The following SIPA1L2 variants were observed in gnomAD, a reference collection of about 807,000 sequenced individuals.
SIPA1L2 encodes the protein signal-induced proliferation-associated 1-like protein 2.
A neutral mutation model predicts 163.9 loss-of-function variants in SIPA1L2; 56 were observed. That is an observed-to-expected ratio of 0.34 (90% CI 0.28 to 0.43). The LOEUF (loss-of-function observed/expected upper bound fraction) is 0.43. Ranked by LOEUF, SIPA1L2 falls within the 20% of genes least tolerant of loss-of-function variation. The pLI is 1.00. For synonymous variants in SIPA1L2, 877 were observed against 865.7 expected (o/e 1.01, Z -0.23); for missense variants, 1,974 against 2,193.5 (o/e 0.90, Z 2.00).
intron 18 of SIPA1L2, among the ~76,000 whole-genome samples, chr1:232,424,214 G>T (rs1177887512): frequency 6.7e-6 from 1 of 148,318 alleles, no homozygotes; most frequent in Non-Finnish European, 1.5e-5. Flanking sequence ...GCAGGGGTTT[G>T]TTGACAGTGG....
intron 22 of SIPA1L2, 24 bp downstream of exon 22, chr1:232,402,368 G>T: frequency 6.2e-7 from 1 of 1,603,356 alleles, no homozygotes; most frequent in Non-Finnish European, 8.5e-7. Context: ...AAACAGTTCT[G>T]ATTATGCTCT....
intron 12 of SIPA1L2, 93 bp from the exon 13 acceptor site, chr1:232,441,961 AG>A (rs1662926795): frequency 2.9e-6 from 3 of 1,046,774 alleles, no homozygotes; most frequent in Non-Finnish European, 2.8e-6. Flanking sequence ...AGGCTATGCG[AG>A]GGAAAGCCCT....
At chr1:232,482,343 A>T (rs971968126) in intron 6 of SIPA1L2, among the ~76,000 whole-genome samples, 1 of 152,194 alleles carries the variant, frequency 6.6e-6, no homozygotes, top group African/African-American at 2.4e-5. Context: ...CACAGTAATA[A>T]GAGTTCACAT....
chr1:232,629,583 G>A (rs543147106), intron 1 of SIPA1L2, among the ~76,000 whole-genome samples: 1 of 152,212 alleles, frequency 6.6e-6, no homozygotes, highest in Admixed American at 6.5e-5. Context: ...CAGTGCCTGT[G>A]TCGCCGAGAC....
intron 2 of SIPA1L2, among the ~76,000 whole-genome samples, chr1:232,538,911 C>CT (rs529843651): frequency 6.6e-6 from 1 of 152,286 alleles, no homozygotes; most frequent in Admixed American, 6.5e-5. Context: ...ATATCATGTT[C>CT]TTTTTTCTAT....
chr1:232,483,823 A>G lies in SIPA1L2; in HGVS notation c.1950T>C (p.Phe650=), dbSNP rs755603058. ...LLGQRVRLKG[F]SKYRAQLDNK... Reference sequence around the variant, plus strand: ...TGTCTAGCTGAGCTCGATATTTACTAAATCCTTTCAGTCGGACTCTCTGGC... The same window carrying G: ...TGTCTAGCTGAGCTCGATATTTACTGAATCCTTTCAGTCGGACTCTCTGGC... The change falls in exon 6 of 23, where the codon TTT becomes TTC. Residue 650 remains phenylalanine, a synonymous_variant. Coordinates refer to ENST00000674635, the MANE Select transcript of SIPA1L2 (RefSeq NM_020808.5). 6 of 1,613,900 alleles carry G rather than the reference A, an allele frequency of 3.7e-6. No homozygotes were observed. Among genetic ancestry groups the G allele is most frequent in the Admixed American group, 1.7e-5 (1 of 59,996 alleles).
intron 3 of SIPA1L2, among the ~76,000 whole-genome samples, chr1:232,509,938 G>A (rs115229820): frequency 2.6e-5 from 4 of 152,312 alleles, no homozygotes; most frequent in Non-Finnish European, 5.9e-5. Flanking sequence ...GAGCCCATCT[G>A]CAGGCACAAC....
chr1:232,456,548 T>G (rs1209688844), intron 10 of SIPA1L2, among the ~76,000 whole-genome samples: 1 of 152,238 alleles, frequency 6.6e-6, no homozygotes, highest in East Asian at 1.9e-4. Flanking sequence ...CCATTTTTAT[T>G]GGACATATTT....
chr1:232,407,780 C>G (rs954280046), intron 19 of SIPA1L2, among the ~76,000 whole-genome samples: 3 of 152,140 alleles, frequency 2.0e-5, no homozygotes, highest in African/African-American at 7.2e-5. Context: ...ACCTTTGAAG[C>G]CTATGTTCAC....
chr1:232,495,826 T>C (rs1028698304), intron 3 of SIPA1L2, among the ~76,000 whole-genome samples: 6 of 152,086 alleles, frequency 3.9e-5, no homozygotes, highest in African/African-American at 1.4e-4. Flanking sequence ...AAAAAAAAGT[T>C]CAGAAAAGTA....
In SIPA1L2 at chr1:232,465,011, C is replaced by T; in HGVS notation, c.2649G>A (p.Leu883=). The change falls in exon 9 of 23, where the codon TTG becomes TTA. Residue 883 remains leucine, a synonymous_variant. Coordinates refer to ENST00000674635, the MANE Select transcript of SIPA1L2 (RefSeq NM_020808.5). This position sits in a 1 kb window ranked among gnomAD's most constrained non-coding sequence, Gnocchi z 4.1. The stretch of plus-strand genomic sequence containing the variant: ...CAACATTCTTGGAATCCTTTTCAAT[C>T]AACATGATGAACTCATTGGAGATCC... ...LLGISNEFIM[L]IEKDSKNVVF... The T allele has an allele frequency of 1.2e-6, 2 of 1,614,176 alleles. No individual in the cohort carries two copies. The highest frequency in any genetic ancestry group is 1.7e-6 in the Non-Finnish European group (2 of 1,180,010).
intron 1 of SIPA1L2, among the ~76,000 whole-genome samples, chr1:232,623,155 G>A (rs1397642196): frequency 3.9e-5 from 6 of 152,336 alleles, no homozygotes; most frequent in Admixed American, 2.0e-4. Context: ...ACCCACTAAC[G>A]GCTGGGAAGC....
chr1:232,605,868 T>A (rs946551204), intron 1 of SIPA1L2, among the ~76,000 whole-genome samples: 7 of 152,286 alleles, frequency 4.6e-5, no homozygotes, highest in Admixed American at 4.6e-4. Flanking sequence ...CTTACACACA[T>A]CACACATACG....
chr1:232,486,460 G>A (rs868596092), intron 5 of SIPA1L2, among the ~76,000 whole-genome samples: 1 of 152,160 alleles, frequency 6.6e-6, no homozygotes, highest in Non-Finnish European at 1.5e-5. Flanking sequence ...CTGGGCCCAT[G>A]GGAATCAGTG....
intron 1 of SIPA1L2, among the ~76,000 whole-genome samples, chr1:232,579,491 A>T (rs1285672): frequency 0.52 from 79,059 of 151,966 alleles, 20,948 homozygotes; most frequent in East Asian, 0.84. Context: ...CCAAAAGAGA[A>T]GAAGAACAGA....
At chr1:232,614,748 C>T (rs932624684) in intron 1 of SIPA1L2, among the ~76,000 whole-genome samples, 4 of 152,240 alleles carry the variant, frequency 2.6e-5, no homozygotes, top group African/African-American at 4.8e-5. Flanking sequence ...TGCCATGATG[C>T]TCCTGTTAAA....
Position 232,445,675 on chromosome 1 carries a change from C to T in SIPA1L2, c.3207G>A (p.Val1069=), listed in dbSNP as rs528314870. The change falls in exon 11 of 23, where the codon GTG becomes GTA. Residue 1069 remains valine (V), a synonymous_variant. Coordinates refer to ENST00000674635, the MANE Select transcript of SIPA1L2 (RefSeq NM_020808.5). ...PFRRNTTWHR[V]PTPALQPLSR... is the part of the protein sequence containing the mutation. ...AGAGGGGCTGCAGGGCAGGAGTGGG[C>T]ACCCGGTGCCACGTGGTGTTCCTCC... 2 of 1,613,248 alleles carry T rather than the reference C, an allele frequency of 1.2e-6. No homozygotes were observed. Among genetic ancestry groups the T allele is most frequent in the South Asian group, 1.1e-5 (1 of 90,990 alleles).
At chr1:232,587,487 A>G (rs1195384006) in intron 1 of SIPA1L2, among the ~76,000 whole-genome samples, 6 of 152,206 alleles carry the variant, frequency 3.9e-5, no homozygotes, top group Non-Finnish European at 1.5e-5. Flanking sequence ...CTTCAACTGG[A>G]TCTGTGAGGT....
At chr1:232,543,906 A>G (rs2103115625) in intron 2 of SIPA1L2, among the ~76,000 whole-genome samples, 1 of 152,332 alleles carries the variant, frequency 6.6e-6, no homozygotes, top group East Asian at 1.9e-4. Context: ...TTAATTGTTT[A>G]TATTATTAAG....
Sources: allele counts gnomAD v4.1 joint callset (sites outside exome capture counted in the v4.1 genomes callset), GRCh38; gene constraint gnomAD v4.1.1; non-coding constraint Gnocchi (gnomAD v3.1); transcripts MANE v1.5; gene names NCBI Gene and HGNC (gene_info 2026-07-23, HGNC 2026-07-21).